The following DOCK2 variants were observed in gnomAD, a reference collection of about 807,000 sequenced individuals.
DOCK2 encodes dedicator of cytokinesis protein 2.
Under a neutral mutation model 248.9 loss-of-function variants are expected in DOCK2, and 87 were observed. The ratio of observed to expected loss-of-function variants is 0.35; its 90% confidence interval spans 0.29 to 0.42. The LOEUF (loss-of-function observed/expected upper bound fraction) is 0.42, where lower values mean the gene tolerates loss of function less well. DOCK2 is among the 10% of genes least tolerant of loss of function. The pLI, the probability that DOCK2 is intolerant of heterozygous loss-of-function variation, is 1.00. For synonymous variants in DOCK2, 805 were observed against 821.6 expected, an observed-to-expected ratio of 0.98 and a Z score of 0.35; for missense variants, 1,747 against 2,300.2, an observed-to-expected ratio of 0.76 and a Z score of 4.92.
chr5:169,689,697 T>A, intron 9 of DOCK2, among the ~76,000 whole-genome samples: 1 of 152,320 alleles, frequency 6.6e-6, no homozygotes, highest in East Asian at 1.9e-4. Flanking sequence ...TGAGTTCCTT[T>A]CTTTGTTCAG....
At chr5:170,046,561 A>T (rs568081928) in intron 39 of DOCK2, among the ~76,000 whole-genome samples, 1 of 152,230 alleles carries the variant, frequency 6.6e-6, no homozygotes, top group Non-Finnish European at 1.5e-5. Flanking sequence ...TTACAGAGTC[A>T]GAATGTTAGG....
chr5:170,000,792 A>T (rs552682232), intron 30 of DOCK2, among the ~76,000 whole-genome samples: 1 of 152,278 alleles, frequency 6.6e-6, no homozygotes, highest in South Asian at 2.1e-4. Context: ...GCATTTTTGG[A>T]TTACCAGCCT....
intron 25 of DOCK2, among the ~76,000 whole-genome samples, chr5:169,801,234 T>A (rs570157947): frequency 1.4e-5 from 2 of 138,214 alleles, no homozygotes; most frequent in Admixed American, 8.2e-5. Flanking sequence ...ACTCCTGACC[T>A]CAAGTGATCC....
chr5:169,883,836 C>T lies in DOCK2; in HGVS notation c.2799+42984C>T, dbSNP rs747216211. The T allele has an allele frequency of 1.4e-5, 22 of 1,547,102 alleles. No homozygotes were observed. The African/African-American group carries it at 2.5e-4, about 17-fold the overall frequency. On this transcript the variant is annotated intron_variant, in intron 27 of 51. Coordinates refer to ENST00000520908, the MANE Select transcript of DOCK2 (RefSeq NM_004946.3). ...GGTGGTGAGGTTGTTTCACAAACTC[C>T]ACTGATTCTAGACTGTTACGCTTTA...
At chr5:169,913,482 T>G (rs1271831080) in intron 27 of DOCK2, among the ~76,000 whole-genome samples, 1 of 152,214 alleles carries the variant, frequency 6.6e-6, no homozygotes, top group Non-Finnish European at 1.5e-5. Context: ...TTTGGTCCTA[T>G]TTTCTACTGG....
intron 27 of DOCK2, among the ~76,000 whole-genome samples, chr5:169,937,838 C>T (rs184079515): frequency 1.1e-4 from 17 of 152,358 alleles, no homozygotes; most frequent in Admixed American, 2.6e-4. Flanking sequence ...TCACTGACAA[C>T]ACTGAAATCA....
intron 25 of DOCK2, among the ~76,000 whole-genome samples, chr5:169,766,257 G>T (rs1331830416): frequency 6.6e-6 from 1 of 152,036 alleles, no homozygotes; most frequent in Non-Finnish European, 1.5e-5. Flanking sequence ...AGTGTCTATT[G>T]TTCCGCTCTT....
intron 27 of DOCK2, among the ~76,000 whole-genome samples, chr5:169,975,214 A>G (rs2161366): frequency 0.32 from 48,402 of 152,066 alleles, 8,194 homozygotes; most frequent in Admixed American, 0.37. Flanking sequence ...TTTAAAACAT[A>G]ATTTGTGCTT....
chr5:169,700,455 A>G (rs1208818949), intron 13 of DOCK2, among the ~76,000 whole-genome samples: 1 of 152,038 alleles, frequency 6.6e-6, no homozygotes, highest in East Asian at 1.9e-4. Context: ...TATTGTGGCC[A>G]TCATTTATAT....
At chr5:170,070,366 C>T (rs962006600) in intron 46 of DOCK2, among the ~76,000 whole-genome samples, 2 of 152,238 alleles carry the variant, frequency 1.3e-5, no homozygotes, top group African/African-American at 4.8e-5. Flanking sequence ...AATAAGAATT[C>T]CTAATTCAGG....
At chr5:169,992,088 G>A (rs1272627255) in intron 29 of DOCK2, among the ~76,000 whole-genome samples, 1 of 152,188 alleles carries the variant, frequency 6.6e-6, no homozygotes, top group African/African-American at 2.4e-5. Context: ...AGATTCTGCA[G>A]GCCGTGTAAC....
intron 15 of DOCK2, among the ~76,000 whole-genome samples, chr5:169,710,645 C>A (rs1194186588): frequency 2.0e-5 from 3 of 152,150 alleles, no homozygotes; most frequent in Non-Finnish European, 4.4e-5. Context: ...CTTTATTCCC[C>A]CCGGGCTCTG....
Position 170,079,098 on chromosome 5 carries a change from C to T in DOCK2, c.5118C>T (p.Ser1706=), listed in dbSNP as rs1438410236. 6 of 1,613,956 alleles carry T rather than the reference C, an allele frequency of 3.7e-6. No individual in the cohort carries two copies. The highest frequency in any genetic ancestry group is 1.3e-5 in the African/African-American group (1 of 74,912). ...CCAAGAAGAGGACAAAGAGAAGCAG[C>T]GTAGTTTTTGCGGATGAGAAAGCAG... ...RRSKKRTKRS[S]VVFADEKAAA... The change falls in exon 49 of 52, where the codon AGC becomes AGT. Residue 1706 remains serine, a synonymous_variant. Transcript: ENST00000520908.
At position 170,081,911 on chromosome 5, in the gene DOCK2, C is replaced by A; in HGVS notation, c.5357C>A (p.Thr1786Asn). The stretch of plus-strand genomic sequence containing the variant: ...AACACATCTCCCCGCCTCAGCCAGA[C>A]CTTCCTCCAACTCTCAGATGGTGAC... ...EANTSPRLSQTFLQLSDGDKK... is the reference protein window; with the variant it reads ...EANTSPRLSQNFLQLSDGDKK... The change falls in exon 51 of 52, where the codon ACC (threonine) becomes AAC (asparagine). Residue 1786 changes from threonine to asparagine, a missense_variant. Thr to Asn is a moderately conservative substitution (Grantham distance 65). This residue lies in a region of DOCK2 where 513 missense variants were observed against 586.1 expected (regional missense o/e 0.88). Transcript: ENST00000520908. 1 of 1,614,166 alleles carries A rather than the reference C, an allele frequency of 6.2e-7. No individual in the cohort carries two copies.
At chr5:169,815,184 G>A (rs752439343) in intron 26 of DOCK2, among the ~76,000 whole-genome samples, 4 of 152,212 alleles carry the variant, frequency 2.6e-5, no homozygotes, top group African/African-American at 7.2e-5. Flanking sequence ...TTTGCCTGGC[G>A]GGCATGGAAA....
rs984942603 is a variant in DOCK2, at chr5:169,700,034, A to G, written c.1153A>G (p.Met385Val). ...TGCAGGCCTCTGGGTGACCATGAAG[A>G]TGCTGGTGGGTGACATCATTCAGAT... ...GGQGLWVTMK[M>V]LVGDIIQIRK... The change falls in exon 13 of 52, where the codon ATG (methionine) becomes GTG (valine). Residue 385 changes from methionine to valine, a missense_variant. Met to Val is a conservative substitution (Grantham distance 21, BLOSUM62 1). Around this residue, in one of 4 missense-constraint regions of DOCK2, gnomAD observed 375 missense variants for 510.9 expected, o/e 0.73. Transcript: ENST00000520908. 3.1e-6 allele frequency: 5 copies of G among 1,613,894 alleles called. No individual in the cohort carries two copies. The highest frequency in any genetic ancestry group is 8.5e-7 in the Non-Finnish European group (1 of 1,179,836).
At chr5:169,905,692 C>T (rs1042573208) in intron 27 of DOCK2, among the ~76,000 whole-genome samples, 7 of 152,122 alleles carry the variant, frequency 4.6e-5, no homozygotes, top group African/African-American at 1.4e-4. Context: ...TGCTGTCATA[C>T]AGCACCTCTG....
intron 29 of DOCK2, among the ~76,000 whole-genome samples, chr5:169,988,174 G>A (rs969157635): frequency 2.0e-5 from 3 of 152,106 alleles, no homozygotes; most frequent in African/African-American, 7.2e-5. Context: ...AGCTTAGTTC[G>A]AAGATTTCCT....
chr5:169,757,379 T>A (rs1050272882), intron 23 of DOCK2, among the ~76,000 whole-genome samples: 1 of 152,090 alleles, frequency 6.6e-6, no homozygotes, highest in Non-Finnish European at 1.5e-5. Flanking sequence ...AAAAACTCAC[T>A]GGTTTATCTT....
Sources: allele counts gnomAD v4.1 joint callset (sites outside exome capture counted in the v4.1 genomes callset), GRCh38; gene constraint gnomAD v4.1.1; regional missense constraint gnomAD v4.1.1; transcripts MANE v1.5; gene names NCBI Gene and HGNC (gene_info 2026-07-23, HGNC 2026-07-21).